The following DPYD variants were observed in gnomAD, a reference collection of about 807,000 sequenced individuals.
DPYD encodes dihydropyrimidine dehydrogenase.
In DPYD, 109 loss-of-function variants were observed where a neutral mutation model predicts 116.2. The observed-to-expected ratio is 0.94, with a 90% CI of 0.80 to 1.10. The LOEUF is 1.10. Ranked by LOEUF, DPYD falls within the 50% of genes least tolerant of loss-of-function variation. DPYD has a pLI of 0.00. For missense variants in DPYD, 1,302 were observed against 1,254.5 expected (o/e 1.04, Z -0.57); for synonymous variants, 440 against 432.0 (o/e 1.02, Z -0.23).
chr1:97,389,880 A>G (rs1346733616), intron 14 of DPYD, among the ~76,000 whole-genome samples: 1 of 149,582 alleles, frequency 6.7e-6, no homozygotes, highest in Non-Finnish European at 1.5e-5. Context: ...AAAAAAAAGT[A>G]GTGCTATATG....
intron 3 of DPYD, among the ~76,000 whole-genome samples, chr1:97,789,777 A>G (rs557505498): frequency 6.6e-6 from 1 of 152,220 alleles, no homozygotes; most frequent in South Asian, 2.1e-4. Context: ...CTCCTGAAAG[A>G]CTCCGTGTCC....
chr1:97,415,112 A>C (rs775533352), intron 14 of DPYD, among the ~76,000 whole-genome samples: 46 of 152,184 alleles, frequency 3.0e-4, no homozygotes, highest in Admixed American at 4.6e-4. Flanking sequence ...AAACAAACAA[A>C]ACCAGAACAA....
At chr1:97,252,884 C>T (rs1663200439) in intron 18 of DPYD, among the ~76,000 whole-genome samples, 1 of 152,098 alleles carries the variant, frequency 6.6e-6, no homozygotes, top group Admixed American at 6.6e-5. Flanking sequence ...TGCTTTCACT[C>T]TAGAAGATTA....
chr1:97,836,689 G>T (rs1669788270), intron 2 of DPYD, among the ~76,000 whole-genome samples: 1 of 151,948 alleles, frequency 6.6e-6, no homozygotes, highest in Non-Finnish European at 1.5e-5. Flanking sequence ...AGTTCAAACA[G>T]AAACAAGGAA....
chr1:97,662,393 G>A (rs1261914564), intron 8 of DPYD, among the ~76,000 whole-genome samples: 1 of 151,802 alleles, frequency 6.6e-6, no homozygotes, highest in Non-Finnish European at 1.5e-5. Context: ...CTCACTTTGG[G>A]AGGCTGAGGC....
intron 10 of DPYD, among the ~76,000 whole-genome samples, chr1:97,588,688 G>A (rs926580003): frequency 6.6e-6 from 1 of 152,164 alleles, no homozygotes; most frequent in Admixed American, 6.5e-5. Context: ...ATAGTGTCGA[G>A]TGATTGGCTG....
chr1:97,603,801 T>C (rs1450504999), intron 8 of DPYD, among the ~76,000 whole-genome samples: 1 of 152,124 alleles, frequency 6.6e-6, no homozygotes, highest in African/African-American at 2.4e-5. Context: ...GACTGAAACA[T>C]TCTGTATTTG....
intron 1 of DPYD, among the ~76,000 whole-genome samples, chr1:97,902,631 T>C (rs928013029): frequency 6.6e-6 from 1 of 151,808 alleles, no homozygotes; most frequent in African/African-American, 2.4e-5. Flanking sequence ...TCCTACACTT[T>C]CTCTGTCATT....
intron 13 of DPYD, among the ~76,000 whole-genome samples, chr1:97,478,703 A>G (rs1036820900): frequency 1.3e-5 from 2 of 152,184 alleles, no homozygotes; most frequent in Non-Finnish European, 1.5e-5. Flanking sequence ...TGTCTTTTGA[A>G]GTCATTCATT....
intron 2 of DPYD, among the ~76,000 whole-genome samples, chr1:97,849,972 T>G (rs1670493229): frequency 6.6e-6 from 1 of 152,132 alleles, no homozygotes; most frequent in African/African-American, 2.4e-5. Context: ...GCCTGAGAAG[T>G]AAATGACTGA....
intron 8 of DPYD, among the ~76,000 whole-genome samples, chr1:97,627,795 T>C (rs1657017562): frequency 6.6e-6 from 1 of 151,762 alleles, no homozygotes; most frequent in Non-Finnish European, 1.5e-5. Context: ...GATTATCATC[T>C]GATATAACAT....
chr1:97,307,562 TATC>T (rs1466749805), intron 16 of DPYD, among the ~76,000 whole-genome samples: 2 of 151,890 alleles, frequency 1.3e-5, no homozygotes, highest in East Asian at 3.9e-4. Context: ...TGTTGATTGT[TATC>T]ATCTCTATTA....
chr1:97,574,069 T>C, intron 10 of DPYD, 99 bp from the exon 11 acceptor site: 1 of 1,535,652 alleles, frequency 6.5e-7, no homozygotes, highest in Non-Finnish European at 8.8e-7. Flanking sequence ...CTTATGATAT[T>C]AAGTCAATAT....
At chr1:97,823,697 G>A (rs1300582448) in intron 3 of DPYD, among the ~76,000 whole-genome samples, 1 of 151,568 alleles carries the variant, frequency 6.6e-6, no homozygotes, top group East Asian at 1.9e-4. Flanking sequence ...TGGAATCAAA[G>A]CTTAGTGATT....
chr1:97,369,412 A>G (rs1192189151), intron 16 of DPYD, among the ~76,000 whole-genome samples: 1 of 152,192 alleles, frequency 6.6e-6, no homozygotes, highest in East Asian at 1.9e-4. Context: ...CTTAATTTTC[A>G]GTTAACAATA....
intron 13 of DPYD, among the ~76,000 whole-genome samples, chr1:97,493,891 C>A (rs1033133002): frequency 1.3e-5 from 2 of 152,070 alleles, no homozygotes; most frequent in Non-Finnish European, 2.9e-5. Flanking sequence ...AAGCAAAAAA[C>A]TCTAACAAGA....
chr1:97,705,495 G>T (rs1188849167), intron 5 of DPYD, among the ~76,000 whole-genome samples: 2 of 151,938 alleles, frequency 1.3e-5, no homozygotes, highest in African/African-American at 4.8e-5. Flanking sequence ...AGTATTCCAT[G>T]GTGTATATGT....
chr1:97,679,604 C>G (rs1220855507), intron 7 of DPYD, among the ~76,000 whole-genome samples: 1 of 152,064 alleles, frequency 6.6e-6, no homozygotes. Flanking sequence ...AGTTCAGAGG[C>G]TGGGGAGATT....
intron 2 of DPYD, among the ~76,000 whole-genome samples, chr1:97,853,902 T>A (rs1285416503): frequency 6.6e-6 from 1 of 152,180 alleles, no homozygotes. Context: ...TGTCTCATCC[T>A]TGCAAAAAAT....
Sources: allele counts gnomAD v4.1 joint callset (sites outside exome capture counted in the v4.1 genomes callset), GRCh38; gene constraint gnomAD v4.1.1; transcripts MANE v1.5; gene names NCBI Gene and HGNC (gene_info 2026-07-23, HGNC 2026-07-21).